AGT: variants seen among roughly 807,000 people sequenced by gnomAD.
AGT encodes the protein alpha-1 antiproteinase, antitrypsin.
Under a neutral mutation model 28.1 loss-of-function variants are expected in AGT, and 26 were observed. The observed-to-expected ratio is 0.92, with a 90% confidence interval of 0.68 to 1.28. The LOEUF is 1.28. Among genes scored for constraint, AGT ranks in the 50% most tolerant of loss-of-function variants. AGT has a pLI of 0.00. For missense variants in AGT, 596 were observed against 592.3 expected (o/e 1.01, Z -0.06); for synonymous variants, 259 against 259.6 (o/e 1.00, Z 0.02).
rs577501219 is a variant in AGT at position 230,730,180 on chromosome 1, C to G, written c.-31+15335G>C. ...AGGTGATCCACCTGCCTCAGCCTCCCACAGTGCTGGGATTACAGGTGTGAG... is the reference window on the plus strand; with the variant it reads ...AGGTGATCCACCTGCCTCAGCCTCCGACAGTGCTGGGATTACAGGTGTGAG... On this transcript the variant is annotated intron_variant, in intron 1 of 4. Transcript: ENST00000681269. 7.9e-5 allele frequency among the ~76,000 whole-genome samples: 12 copies of G among 152,032 alleles called. No homozygotes were observed. The South Asian group carries it at 2.5e-3, about 32-fold the overall frequency.
At chr1:230,724,678 A>G (rs981340450) in intron 1 of AGT, among the ~76,000 whole-genome samples, 18 of 152,068 alleles carry the variant, frequency 1.2e-4, no homozygotes, top group African/African-American at 3.9e-4. Context: ...ACAAAGAATT[A>G]TCTAGGTTTG....
At chr1:230,725,994 G>T (rs1358846664) in intron 1 of AGT, among the ~76,000 whole-genome samples, 3 of 152,086 alleles carry the variant, frequency 2.0e-5, no homozygotes, top group Admixed American at 2.0e-4. Context: ...CCTTATAAAT[G>T]GTTCAGTGGA....
At position 230,739,829 on chromosome 1, in the gene AGT, G is replaced by A. The variant is rs80267477; in HGVS notation, c.-31+5686C>T. ...GGAGGAGGAAGATCACTTATTTGGG[G>A]AAAAGTGGACCTGTTACTGGAAAGG... On this transcript the variant is annotated intron_variant, in intron 1 of 4. Transcript: ENST00000681269. Among the ~76,000 whole-genome samples the A allele has an allele frequency of 3.1e-3, 474 of 152,260 alleles. 3 individuals are homozygous for A. The highest frequency in any genetic ancestry group is 1.0e-2 in the African/African-American group (415 of 41,520).
At chr1:230,712,732 A>C (rs1293099208) in intron 1 of AGT, among the ~76,000 whole-genome samples, 1 of 152,142 alleles carries the variant, frequency 6.6e-6, no homozygotes, top group Non-Finnish European at 1.5e-5. Context: ...TGAGGCAGAG[A>C]CTGTCGTTTG....
chr1:230,725,321 C>T (rs1276357765), intron 1 of AGT, among the ~76,000 whole-genome samples: 1 of 152,102 alleles, frequency 6.6e-6, no homozygotes, highest in Admixed American at 6.5e-5. Context: ...GGGATGGCCC[C>T]GGGCAGGCCT....
chr1:230,734,275 A>G (rs1296923823), intron 1 of AGT, among the ~76,000 whole-genome samples: 1 of 152,202 alleles, frequency 6.6e-6, no homozygotes, highest in African/African-American at 2.4e-5. Context: ...ATGCTAAGTA[A>G]CATAAACCAG....
chr1:230,739,525 T>C (rs1033530693), intron 1 of AGT, among the ~76,000 whole-genome samples: 4 of 151,786 alleles, frequency 2.6e-5, no homozygotes, highest in African/African-American at 7.3e-5. Context: ...GTTTCTGAGG[T>C]TCGGCAAGCA....
intron 1 of AGT, among the ~76,000 whole-genome samples, chr1:230,739,896 G>A (rs182024355): frequency 5.3e-5 from 8 of 152,290 alleles, no homozygotes; most frequent in African/African-American, 7.2e-5. Context: ...TGGACCTCAC[G>A]CAAGAAAGAA....
At chr1:230,714,610 C>T (rs757813274), upstream of AGT, among the ~76,000 whole-genome samples, 1 of 152,154 alleles carries the variant, frequency 6.6e-6, no homozygotes, top group African/African-American at 2.4e-5. Context: ...TCAGCTGCTC[C>T]AAAGAGCCTA....
At chr1:230,704,419 T>G in intron 3 of AGT, 82 bp from the exon 4 acceptor site, 2 of 1,537,012 alleles carry the variant, frequency 1.3e-6, no homozygotes, top group Non-Finnish European at 1.8e-6. Flanking sequence ...TTATGCTCCT[T>G]GCACCCAACC....
rs1211371122 is a variant in AGT, at chr1:230,705,961, G to A, written c.1069C>T (p.Leu357Phe). 3.7e-6 allele frequency: 6 copies of A among 1,614,072 alleles called. No individual in the cohort carries two copies. The highest frequency in any genetic ancestry group is 5.1e-6 in the Non-Finnish European group (6 of 1,180,024). ...GGAGATAGTTTCTTCATCCAGTTGA[G>A]GGAGTTTTGCTGGAAAGTGAGACCC... ...VEGLTFQQNS[L>F]NWMKKLSPRT... Residue 357 changes from leucine (L) to phenylalanine (F), a missense_variant, in exon 3 of 5, where the codon CTC becomes TTC. Transcript: ENST00000366667.
At chr1:230,703,799 A>G (rs1663298844) in intron 4 of AGT, among the ~76,000 whole-genome samples, 1 of 152,232 alleles carries the variant, frequency 6.6e-6, no homozygotes, top group African/African-American at 2.4e-5. Context: ...ATGGTGCCAC[A>G]TGGCAGGGGG....
At chr1:230,733,932 C>T (rs905145085) in intron 1 of AGT, among the ~76,000 whole-genome samples, 1 of 152,102 alleles carries the variant, frequency 6.6e-6, no homozygotes, top group Admixed American at 6.6e-5. Context: ...AGAGGCCGGG[C>T]CCAGATGACA....
chr1:230,717,226 T>G (rs1485191523), upstream of AGT, among the ~76,000 whole-genome samples: 2 of 151,820 alleles, frequency 1.3e-5, no homozygotes, highest in East Asian at 2.0e-4. Flanking sequence ...CCTTTCTATA[T>G]AGACACAGTA....
chr1:230,712,412 C>A (rs1663620567), intron 1 of AGT, among the ~76,000 whole-genome samples: 1 of 152,146 alleles, frequency 6.6e-6, no homozygotes, highest in South Asian at 2.1e-4. Context: ...CACCCCACTC[C>A]CCATGCATTT....
intron 1 of AGT, among the ~76,000 whole-genome samples, chr1:230,723,754 C>T (rs1463289825): frequency 1.3e-5 from 2 of 152,138 alleles, no homozygotes; most frequent in Non-Finnish European, 2.9e-5. Context: ...TGGTTATCTT[C>T]TCTTTGTCCA....
chr1:230,729,145 C>T (rs1664005170), intron 1 of AGT, among the ~76,000 whole-genome samples: 1 of 152,194 alleles, frequency 6.6e-6, no homozygotes, highest in South Asian at 2.1e-4. Context: ...TGCAGTTTCT[C>T]CACCATCTGC....
rs747788478 is a variant in AGT, at chr1:230,710,065, C to T, written c.759G>A (p.Lys253=). The T allele has an allele frequency of 3.7e-6, 6 of 1,614,192 alleles. 1 individual carries two copies. In the South Asian group the frequency reaches 6.6e-5, roughly 18 times the overall value. The change falls in exon 2 of 5, where the codon AAG becomes AAA. Residue 253 remains lysine (K), a synonymous_variant. Transcript: ENST00000366667. ...TGGCTCCCATCAGGGAGCAGCCAGTCTTCCATCCTGTCACAGCCTGCATGA... is the reference window on the plus strand; with the variant it reads ...TGGCTCCCATCAGGGAGCAGCCAGTTTTCCATCCTGTCACAGCCTGCATGA... The part of the protein sequence containing the change: ...DRFMQAVTGW[K]TGCSLMGASV...
chr1:230,719,685 G>A (rs902869107), intron 1 of AGT, among the ~76,000 whole-genome samples: 1 of 152,002 alleles, frequency 6.6e-6, no homozygotes, highest in Non-Finnish European at 1.5e-5. Flanking sequence ...GGAATTACAG[G>A]CATGAGCCAC....
Sources: allele counts gnomAD v4.1 joint callset (sites outside exome capture counted in the v4.1 genomes callset), GRCh38; gene constraint gnomAD v4.1.1; transcripts MANE v1.5; gene names NCBI Gene and HGNC (gene_info 2026-07-23, HGNC 2026-07-21).